RASGRF1: variants seen among roughly 807,000 people sequenced by gnomAD.
RASGRF1 encodes Ras protein specific guanine nucleotide releasing factor 1, also known as ras-specific guanine nucleotide-releasing factor 1.
RASGRF1 carries 40 observed loss-of-function variants against 138.7 expected under a neutral mutation model. The ratio of observed to expected loss-of-function variants is 0.29; its 90% confidence interval spans 0.22 to 0.38. The LOEUF (loss-of-function observed/expected upper bound fraction) is 0.38, where lower values mean the gene tolerates loss of function less well. RASGRF1 is among the 10% of genes least tolerant of loss of function. The probability of loss-of-function intolerance (pLI) is 1.00; values close to 1 mark genes in which losing one functional copy is unlikely to be tolerated. For missense variants in RASGRF1, 1,108 were observed against 1,650.4 expected (o/e 0.67, Z 5.69); for synonymous variants, 614 against 663.2 (o/e 0.93, Z 1.14).
intron 8 of RASGRF1, 70 bp downstream of exon 8, chr15:79,031,330 A>T (rs771339046): frequency 3.6e-5 from 44 of 1,213,836 alleles, no homozygotes; most frequent in Middle Eastern, 2.2e-4. Context: ...GGTTCAGCGA[A>T]CTCCTGGTGA....
At chr15:79,047,362 A>T (rs977095358) in intron 4 of RASGRF1, among the ~76,000 whole-genome samples, 1 of 152,134 alleles carries the variant, frequency 6.6e-6, no homozygotes, top group Non-Finnish European at 1.5e-5. Flanking sequence ...GTTGCTTTGG[A>T]AGCATTCGCT....
intron 1 of RASGRF1, among the ~76,000 whole-genome samples, chr15:79,077,026 G>C (rs1249394060): frequency 6.6e-6 from 1 of 152,200 alleles, no homozygotes; most frequent in Non-Finnish European, 1.5e-5. Flanking sequence ...GAAGGGGTTG[G>C]GGGGACTGGT....
intron 24 of RASGRF1, chr15:78,980,273 TAA>T (rs1407696837): frequency 1.7e-5 from 3 of 181,068 alleles, no homozygotes; most frequent in African/African-American, 7.0e-5. Context: ...AAACTGACGT[TAA>T]GACGTCTCCT....
chr15:79,078,784 G>C (rs950461604), intron 1 of RASGRF1, among the ~76,000 whole-genome samples: 1 of 152,226 alleles, frequency 6.6e-6, no homozygotes, highest in Non-Finnish European at 1.5e-5. Context: ...CTTTGTCCCT[G>C]TTCTCAGTGC....
rs763649288 is a variant in RASGRF1 at position 79,017,862 on chromosome 15, C to T, written c.1651G>A (p.Gly551Arg). The change falls in exon 12 of 27, where the codon GGG becomes AGG. Residue 551 changes from glycine (G) to arginine (R), a missense_variant. Physicochemically the swap from Gly to Arg is moderately radical, Grantham distance 125. Coordinates refer to ENST00000558480, the MANE Select transcript of RASGRF1 (RefSeq NM_001145648.3). Reference protein sequence around the residue: ...QDIDHLDFKIGVEPKDSPPFT... With the variant: ...QDIDHLDFKIRVEPKDSPPFT... ...GGCGGGGAATCCTTTGGCTCCACCC[C>T]GATTTTAAAATCCAAGTGATCTATG... is the stretch of plus-strand genomic sequence containing the variant. The T allele has an allele frequency of 8.1e-6, 13 of 1,613,694 alleles. No homozygotes were observed. The highest frequency in any genetic ancestry group is 8.5e-6 in the Non-Finnish European group (10 of 1,179,866).
At chr15:79,019,417 ACT>A (rs1209563310) in intron 11 of RASGRF1, among the ~76,000 whole-genome samples, 1 of 151,922 alleles carries the variant, frequency 6.6e-6, no homozygotes, top group African/African-American at 2.4e-5. Context: ...AGCACCAAGG[ACT>A]CTGCCCTCCG....
chr15:78,979,095 A>G (rs767694790), intron 24 of RASGRF1: 2 of 1,289,872 alleles, frequency 1.6e-6, no homozygotes, highest in South Asian at 2.5e-5. Flanking sequence ...CGGACGGACA[A>G]GTTGGTGAAT....
At chr15:79,064,581 G>T in intron 1 of RASGRF1, 55 bp from the exon 2 acceptor site, 1 of 1,525,436 alleles carries the variant, frequency 6.6e-7, no homozygotes, top group Non-Finnish European at 9.1e-7. Flanking sequence ...GACCAACAAC[G>T]ACTCTTGCAA....
chr15:78,999,028 T>C (rs983543826), intron 17 of RASGRF1, among the ~76,000 whole-genome samples: 5 of 152,188 alleles, frequency 3.3e-5, no homozygotes, highest in African/African-American at 1.2e-4. Context: ...GGTCCATGCA[T>C]GCCCAGCCTC....
intron 25 of RASGRF1, among the ~76,000 whole-genome samples, chr15:78,972,323 T>G (rs1394958679): frequency 1.3e-5 from 2 of 152,012 alleles, no homozygotes. Context: ...CTTGAACTTC[T>G]GACCTCAAGT....
chr15:78,967,859 C>T (rs994128867), intron 26 of RASGRF1, among the ~76,000 whole-genome samples: 4 of 152,144 alleles, frequency 2.6e-5, no homozygotes, highest in African/African-American at 9.7e-5. Flanking sequence ...CCATGCATCT[C>T]CTAAGAATAC....
intron 17 of RASGRF1, 42 bp downstream of exon 17, chr15:78,999,701 G>A: frequency 6.3e-7 from 1 of 1,597,780 alleles, no homozygotes; most frequent in Non-Finnish European, 8.6e-7. Context: ...CACTGGGGCT[G>A]ACCATGGGGA....
chr15:79,054,376 A>G (rs1391307866), intron 3 of RASGRF1, among the ~76,000 whole-genome samples: 1 of 152,170 alleles, frequency 6.6e-6, no homozygotes, highest in Admixed American at 6.5e-5. Context: ...GTGCCCCTCC[A>G]TTCTGTTACA....
chr15:78,992,602 CA>C (rs1375090307), intron 20 of RASGRF1, among the ~76,000 whole-genome samples: 1 of 152,012 alleles, frequency 6.6e-6, no homozygotes, highest in East Asian at 1.9e-4. Flanking sequence ...CTGTTAGGAA[CA>C]AGAATCCTCC....
In RASGRF1 at chr15:79,059,756, A is replaced by G. The variant is rs374674716; in HGVS notation, c.384-1275T>C. Among the ~76,000 whole-genome samples the G allele has an allele frequency of 5.9e-5, 9 of 152,216 alleles. No homozygotes were observed. The East Asian group carries it at 1.5e-3, about 26-fold the overall frequency. On this transcript the variant is annotated intron_variant, in intron 2 of 26. Coordinates refer to ENST00000558480, the MANE Select transcript of RASGRF1 (RefSeq NM_001145648.3). ...TGCTGTATATAAACACACACCCCCC[A>G]CAGAGGCATCCCATAATACCAGAAT...
At chr15:79,030,138 A>G (rs753899396) in intron 8 of RASGRF1, among the ~76,000 whole-genome samples, 5 of 152,144 alleles carry the variant, frequency 3.3e-5, no homozygotes, top group Non-Finnish European at 7.4e-5. Context: ...GGGTCATGGA[A>G]GGATCGGGGG....
chr15:79,072,517 C>T (rs1595966425), intron 1 of RASGRF1, among the ~76,000 whole-genome samples: 1 of 151,880 alleles, frequency 6.6e-6, no homozygotes, highest in South Asian at 2.1e-4. Context: ...CCTCGTGATC[C>T]GCCCGCCTCG....
intron 2 of RASGRF1, 114 bp from the exon 3 acceptor site, chr15:79,058,595 C>G (rs972218787): frequency 2.7e-5 from 36 of 1,355,990 alleles, no homozygotes; most frequent in Non-Finnish European, 3.6e-5. Flanking sequence ...AGCAGAAGGC[C>G]CTGACTCCCA....
chr15:78,980,574 G>A (rs745445801), intron 24 of RASGRF1, 46 bp downstream of exon 24: 4 of 1,491,824 alleles, frequency 2.7e-6, no homozygotes, highest in East Asian at 4.6e-5. Flanking sequence ...CTGCAATGCA[G>A]GTCTATGATT....
Sources: allele counts gnomAD v4.1 joint callset (sites outside exome capture counted in the v4.1 genomes callset), GRCh38; gene constraint gnomAD v4.1.1; transcripts MANE v1.5; gene names NCBI Gene and HGNC (gene_info 2026-07-23, HGNC 2026-07-21).